The following PTPRD variants were observed in gnomAD, a reference collection of about 807,000 sequenced individuals.
The protein encoded by PTPRD is protein tyrosine phosphatase receptor type D.
Under a neutral mutation model 214.5 loss-of-function variants are expected in PTPRD, and 34 were observed. The ratio of observed to expected loss-of-function variants is 0.16; its 90% confidence interval spans 0.12 to 0.21. The LOEUF (loss-of-function observed/expected upper bound fraction) is 0.21, where lower values mean the gene tolerates loss of function less well. Ranked by LOEUF, PTPRD falls within the 10% of genes least tolerant of loss-of-function variation. PTPRD has a pLI of 1.00. For missense variants in PTPRD, 2,545 were observed against 2,398.7 expected (o/e 1.06, Z -1.27); for synonymous variants, 1,128 against 845.7 (o/e 1.33, Z -5.79).
rs1437141159 is a variant in PTPRD, at chr9:9,938,584, A to G, written c.-445T>C. The G allele has an allele frequency of 6.6e-6, 1 of 152,138 alleles. No homozygotes were observed. Among genetic ancestry groups the G allele is most frequent in the Non-Finnish European group, 1.5e-5 (1 of 68,022 alleles). 9.4% of individuals were successfully genotyped at this position (152,138 alleles called of 1,614,324 possible). On this transcript the variant is annotated 5_prime_UTR_variant, in exon 5 of 46. Coordinates refer to ENST00000381196, the MANE Select transcript of PTPRD (RefSeq NM_002839.4). ...ACCTCTAACTGGAATATCACGGGCC[A>G]GGAACTGCTTGCCTTTTATTTTCCA...
chr9:9,398,759 G>A (rs1165380720), intron 8 of PTPRD, among the ~76,000 whole-genome samples: 2 of 151,778 alleles, frequency 1.3e-5, no homozygotes, highest in Non-Finnish European at 2.9e-5. Context: ...GTTAAATTTT[G>A]TATAAAAAGT....
intron 10 of PTPRD, among the ~76,000 whole-genome samples, chr9:9,031,126 G>A (rs2154376651): frequency 6.6e-6 from 1 of 152,062 alleles, no homozygotes; most frequent in East Asian, 1.9e-4. Flanking sequence ...GGAACTCAAG[G>A]GTGACAGTAA....
chr9:9,738,009 AT>A (rs1346006255), intron 6 of PTPRD, among the ~76,000 whole-genome samples: 2 of 152,246 alleles, frequency 1.3e-5, no homozygotes, highest in East Asian at 3.9e-4. Context: ...TATTAAAAAA[AT>A]CAAACACCGC....
At chr9:9,942,521 G>A (rs2153971566) in intron 4 of PTPRD, among the ~76,000 whole-genome samples, 1 of 152,178 alleles carries the variant, frequency 6.6e-6, no homozygotes, top group Admixed American at 6.5e-5. Flanking sequence ...GTATGTGTAG[G>A]AAGGTCAAGG....
At chr9:9,539,155 G>A (rs78370935) in intron 8 of PTPRD, among the ~76,000 whole-genome samples, 1,978 of 151,938 alleles carry the variant, frequency 0.013, 45 homozygotes, top group African/African-American at 0.045. Context: ...ACTTAAAACA[G>A]GGTGCTCACT....
At chr9:10,039,282 A>T (rs2154140405) in intron 3 of PTPRD, among the ~76,000 whole-genome samples, 1 of 152,234 alleles carries the variant, frequency 6.6e-6, no homozygotes, top group Non-Finnish European at 1.5e-5. Context: ...AAATGAATAC[A>T]AAGAAAGACC....
intron 2 of PTPRD, among the ~76,000 whole-genome samples, chr9:10,374,429 G>A (rs1318984938): frequency 6.6e-6 from 1 of 152,002 alleles, no homozygotes; most frequent in African/African-American, 2.4e-5. Context: ...CTCTTTCAGG[G>A]AAAGGCTAAT....
At chr9:9,514,877 G>A (rs2096796509) in intron 8 of PTPRD, among the ~76,000 whole-genome samples, 1 of 151,968 alleles carries the variant, frequency 6.6e-6, no homozygotes, top group Non-Finnish European at 1.5e-5. Context: ...CCCTTTGGTG[G>A]TCTCTCATTA....
chr9:8,726,026 GACAC>G (rs71500962), intron 12 of PTPRD, among the ~76,000 whole-genome samples: 2,211 of 139,502 alleles, frequency 0.016, 21 homozygotes, highest in South Asian at 0.023. Context: ...CAGACAGACA[GACAC>G]ACACACACAC....
intron 3 of PTPRD, among the ~76,000 whole-genome samples, chr9:10,202,340 C>A (rs1310794309): frequency 6.6e-6 from 1 of 151,840 alleles, no homozygotes; most frequent in Non-Finnish European, 1.5e-5. Context: ...AGGCTACTGA[C>A]CTTCTGCCTG....
intron 2 of PTPRD, among the ~76,000 whole-genome samples, chr9:10,565,725 G>A (rs2065395112): frequency 6.6e-6 from 1 of 151,958 alleles, no homozygotes; most frequent in Admixed American, 6.6e-5. Flanking sequence ...TTTCTCAGAC[G>A]TCATCTTACT....
chr9:8,583,836 ACT>A (rs1228663722), intron 14 of PTPRD, among the ~76,000 whole-genome samples: 1 of 152,158 alleles, frequency 6.6e-6, no homozygotes, highest in African/African-American at 2.4e-5. Flanking sequence ...GTTTTTCTGT[ACT>A]TTCTTCATTT....
At chr9:9,381,575 G>C (rs1042619323) in intron 9 of PTPRD, among the ~76,000 whole-genome samples, 1 of 151,638 alleles carries the variant, frequency 6.6e-6, no homozygotes, top group Non-Finnish European at 1.5e-5. Context: ...TCCCAGGCTG[G>C]TCTCCTGGGC....
intron 9 of PTPRD, among the ~76,000 whole-genome samples, chr9:9,244,030 T>G (rs1300166276): frequency 6.6e-6 from 1 of 152,150 alleles, no homozygotes; most frequent in African/African-American, 2.4e-5. Context: ...TGAACTCCCA[T>G]TCACAATTGC....
chr9:9,199,947 T>C (rs1159890215), intron 9 of PTPRD, among the ~76,000 whole-genome samples: 1 of 152,190 alleles, frequency 6.6e-6, no homozygotes, highest in African/African-American at 2.4e-5. Flanking sequence ...TCTTTGAAAC[T>C]TAGTTTCTGA....
intron 11 of PTPRD, among the ~76,000 whole-genome samples, chr9:8,790,661 C>G (rs901409804): frequency 6.6e-6 from 1 of 151,810 alleles, no homozygotes; most frequent in African/African-American, 2.4e-5. Context: ...CTAAGCATAC[C>G]TTAGTCACAA....
intron 30 of PTPRD, among the ~76,000 whole-genome samples, chr9:8,478,856 G>A (rs2096822234): frequency 1.3e-5 from 2 of 152,188 alleles, no homozygotes; most frequent in African/African-American, 2.4e-5. Context: ...GTGTTGAGGA[G>A]TTAAGGAGTA....
chr9:10,010,996 T>C (rs2154105722), intron 4 of PTPRD, among the ~76,000 whole-genome samples: 1 of 152,088 alleles, frequency 6.6e-6, no homozygotes, highest in East Asian at 1.9e-4. Context: ...TTTCATCTGG[T>C]TAGGACATGG....
intron 9 of PTPRD, among the ~76,000 whole-genome samples, chr9:9,321,961 T>A (rs931859746): frequency 6.6e-6 from 1 of 152,218 alleles, no homozygotes; most frequent in Non-Finnish European, 1.5e-5. Flanking sequence ...ATCTGCCATC[T>A]AATGTTTATT....
Sources: allele counts gnomAD v4.1 joint callset (sites outside exome capture counted in the v4.1 genomes callset), GRCh38; gene constraint gnomAD v4.1.1; transcripts MANE v1.5; gene names NCBI Gene and HGNC (gene_info 2026-07-23, HGNC 2026-07-21).